XG: variants seen among roughly 807,000 people sequenced by gnomAD.
XG encodes the protein Xg glycoprotein (Xg blood group), also known as glycoprotein Xg.
A neutral mutation model predicts 25.7 loss-of-function variants in XG; 24 were observed. The observed-to-expected ratio is 0.93, with a 90% CI of 0.68 to 1.31. XG has a LOEUF of 1.31. Among genes scored for constraint, XG ranks in the 40% most tolerant of loss-of-function variants. The probability of loss-of-function intolerance (pLI) is 0.00; values close to 1 mark genes in which losing one functional copy is unlikely to be tolerated. For missense variants in XG, 181 were observed against 187.6 expected (o/e 0.96, Z 0.21); for synonymous variants, 77 against 69.2 (o/e 1.11, Z -0.56).
chrX:2,788,657 C>T (rs2086807380), intron 4 of XG, among the ~76,000 whole-genome samples: 1 of 110,831 alleles, frequency 9.0e-6, no homozygotes, highest in African/African-American at 3.3e-5. Context: ...AAGTTCGAGA[C>T]CAGCCTGGGC....
At chrX:2,756,065 G>A (rs1305480426) in intron 1 of XG, among the ~76,000 whole-genome samples, 4 of 152,118 alleles carry the variant, frequency 2.6e-5, no homozygotes, top group Non-Finnish European at 5.9e-5. Context: ...ACAGAATATT[G>A]TTAATGGTTA....
At chrX:2,769,903 G>A (rs2050775981) in intron 1 of XG, among the ~76,000 whole-genome samples, 1 of 152,064 alleles carries the variant, frequency 6.6e-6, no homozygotes, top group Non-Finnish European at 1.5e-5. Flanking sequence ...GCCAGGTGAG[G>A]TGGCAAAGGT....
At chrX:2,769,187 A>G (rs754318672) in intron 1 of XG, among the ~76,000 whole-genome samples, 1 of 152,270 alleles carries the variant, frequency 6.6e-6, no homozygotes, top group East Asian at 1.9e-4. Flanking sequence ...ATACGAATCT[A>G]TGTTGGAGCC....
chrX:2,801,863 C>T (rs1363338783), intron 7 of XG, among the ~76,000 whole-genome samples: 15 of 110,631 alleles, frequency 1.4e-4, no homozygotes, highest in African/African-American at 3.0e-4. Flanking sequence ...CGCCCGCCAC[C>T]ACGCCTGGCA....
Position 2,811,451 on chromosome X carries a change from T to A in XG, c.570T>A (p.His190Gln). 8.4e-7 allele frequency: 1 copy of A among 1,186,880 alleles called. No individual in the cohort carries two copies. Among genetic ancestry groups the A allele is most frequent in the Non-Finnish European group, 1.1e-6 (1 of 879,726 alleles). Residue 190 changes from histidine (H) to glutamine (Q), a missense_variant and splice_region_variant, in exon 10 of 11, where the codon CAT (histidine) becomes CAA (glutamine). His to Gln is a conservative substitution (Grantham distance 24). Coordinates refer to ENST00000644266, the MANE Select transcript of XG (RefSeq NM_001141919.2). ...ATAGGAGAAATTGTTTCAGGACCCA[T>A]GGTAAGTTTGGCTCTAAACATTGTT... ...LNNRRNCFRT[H>Q]EPENV is the part of the protein sequence containing the mutation.
chrX:2,774,542 A>T (rs1373443618), intron 2 of XG, among the ~76,000 whole-genome samples, 174 bp from the exon 3 acceptor site: 1 of 152,020 alleles, frequency 6.6e-6, no homozygotes, highest in Non-Finnish European at 1.5e-5. Context: ...ATGGATTTTA[A>T]GGGTGTTTTC....
At chrX:2,762,834 A>C (rs1464253676) in intron 1 of XG, among the ~76,000 whole-genome samples, 3 of 152,140 alleles carry the variant, frequency 2.0e-5, no homozygotes, top group African/African-American at 7.2e-5. Context: ...GGGGCCTGCC[A>C]GGCACTCTCC....
At chrX:2,765,041 CAAAAAA>C (rs1219282861) in intron 1 of XG, among the ~76,000 whole-genome samples, 1,228 of 36,634 alleles carry the variant, frequency 0.034, 30 homozygotes, top group East Asian at 0.18. Context: ...ATTCTTTATC[CAAAAAA>C]AAAAAAAAAA....
intron 7 of XG, among the ~76,000 whole-genome samples, chrX:2,802,382 C>T (rs1358296673): frequency 9.0e-6 from 1 of 110,964 alleles, no homozygotes. Context: ...GTCTTCAACT[C>T]CTGGCCTCAA....
intron 1 of XG, among the ~76,000 whole-genome samples, chrX:2,758,529 G>C (rs1014001865): frequency 6.6e-6 from 1 of 152,178 alleles, no homozygotes; most frequent in South Asian, 2.1e-4. Context: ...TCTCCAATTC[G>C]GTGATGTGTC....
At chrX:2,773,743 GA>G (rs1321378064) in intron 2 of XG, among the ~76,000 whole-genome samples, 14 of 24,274 alleles carry the variant, frequency 5.8e-4, no homozygotes, top group Non-Finnish European at 5.7e-4. Flanking sequence ...AGGAAGGAGA[GA>G]AGGAAGGAAG....
Position 2,792,002 on chromosome X carries a change from G to T in XG, c.253+2296G>T, listed in dbSNP as rs1032671573. Among the ~76,000 whole-genome samples the T allele has an allele frequency of 3.6e-5, 4 of 110,729 alleles. No individual in the cohort carries two copies. The Admixed American group carries it at 3.9e-4, about 11-fold the overall frequency. The stretch of plus-strand genomic sequence containing the variant: ...TTCCCTGTTCAAAGCTGTTTTAGAG[G>T]CCAGGCGTGGTGGCTCATTCAGGTA... On this transcript the variant is annotated intron_variant, in intron 5 of 10. Transcript: ENST00000644266.
At chrX:2,807,171 T>C (rs1431350951) in intron 8 of XG, among the ~76,000 whole-genome samples, 1 of 113,091 alleles carries the variant, frequency 8.8e-6, no homozygotes, top group Non-Finnish European at 1.9e-5. Flanking sequence ...CATGTTTGTG[T>C]ATGTGCACAG....
At chrX:2,757,709 T>C (rs1412767424) in intron 1 of XG, among the ~76,000 whole-genome samples, 5 of 151,780 alleles carry the variant, frequency 3.3e-5, no homozygotes, top group Non-Finnish European at 7.4e-5. Context: ...CAGTGGCTCA[T>C]GTTTGTAATC....
intron 1 of XG, among the ~76,000 whole-genome samples, chrX:2,759,884 G>C (rs759587242): frequency 1.2e-4 from 18 of 152,354 alleles, no homozygotes; most frequent in South Asian, 8.3e-4. Context: ...AGCGATGTGT[G>C]CAGCCACGGT....
intron 4 of XG, among the ~76,000 whole-genome samples, 164 bp downstream of exon 4, chrX:2,782,292 C>T (rs746608067): frequency 8.9e-6 from 1 of 112,499 alleles, no homozygotes; most frequent in South Asian, 3.7e-4. Flanking sequence ...GAAAGTCCAA[C>T]GGACAGAAAC....
intron 2 of XG, among the ~76,000 whole-genome samples, chrX:2,771,463 T>G (rs746422090): frequency 6.6e-6 from 1 of 152,332 alleles, no homozygotes; most frequent in African/African-American, 2.4e-5. Flanking sequence ...CTAGAACCTT[T>G]CTGGCTGACC....
At chrX:2,780,696 C>T (rs1450655609) in intron 3 of XG, among the ~76,000 whole-genome samples, 1 of 148,062 alleles carries the variant, frequency 6.8e-6, no homozygotes, top group African/African-American at 2.5e-5. Context: ...CCAGCTTGGG[C>T]GACAGACCAA....
chrX:2,782,694 G>C (rs1251446483), intron 4 of XG, among the ~76,000 whole-genome samples: 1 of 111,505 alleles, frequency 9.0e-6, no homozygotes, highest in African/African-American at 3.3e-5. Flanking sequence ...GATCCATCCA[G>C]TGCAGAGGCT....
Sources: allele counts gnomAD v4.1 joint callset (sites outside exome capture counted in the v4.1 genomes callset), GRCh38; gene constraint gnomAD v4.1.1; transcripts MANE v1.5; gene names NCBI Gene and HGNC (gene_info 2026-07-23, HGNC 2026-07-21).